Variants in CNTN4 observed in about 807,000 individuals in gnomAD.
CNTN4 encodes contactin 4.
A neutral mutation model predicts 122.5 loss-of-function variants in CNTN4; 77 were observed. The ratio of observed to expected loss-of-function variants is 0.63; its 90% CI spans 0.52 to 0.76. CNTN4 has a LOEUF of 0.76. CNTN4 is among the 30% of genes least tolerant of loss of function. CNTN4 has a pLI of 0.00. For missense variants in CNTN4, 1,256 were observed against 1,259.1 expected (o/e 1.00, Z 0.04); for synonymous variants, 512 against 447.0 (o/e 1.15, Z -1.83).
At chr3:2,563,819 G>A (rs2079051802) in intron 3 of CNTN4, among the ~76,000 whole-genome samples, 1 of 151,806 alleles carries the variant, frequency 6.6e-6, no homozygotes, top group Non-Finnish European at 1.5e-5. Flanking sequence ...AATATTGAAA[G>A]CATTAGCTAT....
intron 2 of CNTN4, among the ~76,000 whole-genome samples, chr3:2,196,905 A>T (rs974048028): frequency 1.3e-5 from 2 of 151,872 alleles, no homozygotes; most frequent in Non-Finnish European, 2.9e-5. Context: ...TTAGCCAGGC[A>T]TGGTGGTGCA....
intron 15 of CNTN4, among the ~76,000 whole-genome samples, chr3:3,027,890 T>C (rs143171763): frequency 6.6e-6 from 1 of 152,312 alleles, no homozygotes; most frequent in Non-Finnish European, 1.5e-5. Flanking sequence ...CAGCTGTCCG[T>C]AGAGCTGCTC....
intron 8 of CNTN4, among the ~76,000 whole-genome samples, chr3:2,880,313 G>A (rs73112774): frequency 6.6e-6 from 1 of 152,168 alleles, no homozygotes; most frequent in African/African-American, 2.4e-5. Context: ...TACACTGCAA[G>A]GCAGGCTGTC....
chr3:2,478,176 T>G (rs2075883434), intron 3 of CNTN4, among the ~76,000 whole-genome samples: 1 of 152,194 alleles, frequency 6.6e-6, no homozygotes, highest in Admixed American at 6.5e-5. Flanking sequence ...GAAAATGCAT[T>G]CTACAAAGTC....
chr3:2,868,262 G>T (rs1200617167), intron 8 of CNTN4, among the ~76,000 whole-genome samples: 1 of 152,010 alleles, frequency 6.6e-6, no homozygotes, highest in Non-Finnish European at 1.5e-5. Context: ...TTTTGCAGAC[G>T]GGGAAACTGG....
At chr3:2,934,452 G>T (rs1298243001) in intron 13 of CNTN4, among the ~76,000 whole-genome samples, 5 of 152,266 alleles carry the variant, frequency 3.3e-5, no homozygotes, top group Non-Finnish European at 7.3e-5. Context: ...AAATCCCAGT[G>T]CAGGGCTGCA....
intron 14 of CNTN4, among the ~76,000 whole-genome samples, chr3:3,005,948 C>T (rs907631344): frequency 2.5e-4 from 38 of 150,552 alleles, no homozygotes; most frequent in African/African-American, 7.1e-4. Context: ...TGCAGTGGCA[C>T]GATCTCGGCT....
At chr3:2,582,481 C>T (rs982002482) in intron 4 of CNTN4, among the ~76,000 whole-genome samples, 5 of 146,256 alleles carry the variant, frequency 3.4e-5, no homozygotes, top group East Asian at 2.2e-4. Flanking sequence ...GGATTGGGGG[C>T]GGCGGGGAGG....
At chr3:3,013,951 C>T (rs1697483091) in intron 14 of CNTN4, among the ~76,000 whole-genome samples, 1 of 151,884 alleles carries the variant, frequency 6.6e-6, no homozygotes, top group Non-Finnish European at 1.5e-5. Context: ...ATCTTTCCTA[C>T]CAATACTGAG....
At chr3:2,423,344 T>A (rs941064471) in intron 3 of CNTN4, among the ~76,000 whole-genome samples, 1 of 152,230 alleles carries the variant, frequency 6.6e-6, no homozygotes, top group Non-Finnish European at 1.5e-5. Flanking sequence ...AAAGCTCAGA[T>A]GCACAAACAT....
intron 2 of CNTN4, among the ~76,000 whole-genome samples, chr3:2,187,778 A>T (rs1435995591): frequency 6.6e-6 from 1 of 152,150 alleles, no homozygotes; most frequent in Non-Finnish European, 1.5e-5. Flanking sequence ...AGAGGACTAG[A>T]TGCCACATTT....
At chr3:2,224,524 C>T (rs917958948) in intron 2 of CNTN4, among the ~76,000 whole-genome samples, 1 of 152,112 alleles carries the variant, frequency 6.6e-6, no homozygotes, top group African/African-American at 2.4e-5. Flanking sequence ...AACTGTGTAC[C>T]ATTACTGCAC....
chr3:2,459,565 G>T (rs190812924), intron 3 of CNTN4, among the ~76,000 whole-genome samples: 2 of 152,034 alleles, frequency 1.3e-5, no homozygotes, highest in African/African-American at 4.8e-5. Context: ...AGCAACTCTC[G>T]TGATATGGCC....
chr3:3,042,788 A>C, intron 21 of CNTN4, 189 bp from the exon 22 acceptor site: 1 of 621,742 alleles, frequency 1.6e-6, no homozygotes, highest in Non-Finnish European at 2.8e-6. Flanking sequence ...AGCTAAGGAC[A>C]AAAAAGGGAC....
intron 12 of CNTN4, among the ~76,000 whole-genome samples, chr3:2,917,281 C>G (rs1192217285): frequency 6.6e-6 from 1 of 150,616 alleles, no homozygotes; most frequent in African/African-American, 2.5e-5. Context: ...CAGAGGGAGA[C>G]CGTGGAAAGC....
chr3:2,320,222 TA>T lies in CNTN4; in HGVS notation c.-144-18955del, dbSNP rs574827076. Among the ~76,000 whole-genome samples, 269 of 152,300 alleles carry T rather than the reference TA, an allele frequency of 1.8e-3. 1 individual carries two copies. Among genetic ancestry groups the T allele is most frequent in the African/African-American group, 6.0e-3 (249 of 41,574 alleles). On this transcript the variant is annotated intron_variant, in intron 2 of 24. Transcript: ENST00000418658. ...AGAAGTGGGGGGATTTAATTACGTT[TA>T]GTGACCTTTCAAGCTCTAAAATGTT...
chr3:2,338,135 T>C (rs1483507527), intron 2 of CNTN4, among the ~76,000 whole-genome samples: 1 of 152,110 alleles, frequency 6.6e-6, no homozygotes, highest in Admixed American at 6.5e-5. Context: ...GTTTTAGGGG[T>C]ATATGAGAAA....
intron 2 of CNTN4, among the ~76,000 whole-genome samples, chr3:2,195,729 T>C (rs1329029995): frequency 6.6e-6 from 1 of 152,232 alleles, no homozygotes; most frequent in Non-Finnish European, 1.5e-5. Flanking sequence ...ATGGCTATTC[T>C]ATTCCTGGAG....
At chr3:2,718,095 C>A (rs1452390548) in intron 4 of CNTN4, among the ~76,000 whole-genome samples, 2 of 151,980 alleles carry the variant, frequency 1.3e-5, no homozygotes, top group Non-Finnish European at 2.9e-5. Context: ...CAAATATTTT[C>A]TCCCATTCTG....
Sources: allele counts gnomAD v4.1 joint callset (sites outside exome capture counted in the v4.1 genomes callset), GRCh38; gene constraint gnomAD v4.1.1; transcripts MANE v1.5; gene names NCBI Gene and HGNC (gene_info 2026-07-23, HGNC 2026-07-21).